The following ERC1 variants were observed in gnomAD, a reference collection of about 807,000 sequenced individuals.
The protein encoded by ERC1 is ELKS/RAB6-interacting/CAST family member 1.
Under a neutral mutation model 132.0 loss-of-function variants are expected in ERC1, and 56 were observed. That is an observed-to-expected ratio of 0.42 (90% CI 0.34 to 0.53). The LOEUF is 0.53. ERC1 is among the 20% of genes least tolerant of loss of function. The probability of loss-of-function intolerance (pLI) is 0.03; values close to 1 mark genes in which losing one functional copy is unlikely to be tolerated. For missense variants in ERC1, 1,202 were observed against 1,349.9 expected (o/e 0.89, Z 1.72); for synonymous variants, 478 against 476.1 (o/e 1.00, Z -0.05).
chr12:1,455,208 C>T (rs2093504579), intron 18 of ERC1, among the ~76,000 whole-genome samples: 1 of 152,084 alleles, frequency 6.6e-6, no homozygotes, highest in African/African-American at 2.4e-5. Context: ...AAATACTTTC[C>T]TTTCTTAATG....
chr12:1,175,432 T>TC (rs1341754722), intron 8 of ERC1, among the ~76,000 whole-genome samples: 1 of 150,682 alleles, frequency 6.6e-6, no homozygotes, highest in East Asian at 1.9e-4. Flanking sequence ...TCAGCAATGT[T>TC]CACATCATCT....
At chr12:1,338,221 T>C (rs12308456) in intron 15 of ERC1, among the ~76,000 whole-genome samples, 6 of 152,222 alleles carry the variant, frequency 3.9e-5, no homozygotes, top group African/African-American at 1.4e-4. Flanking sequence ...CTTGGAGGTT[T>C]TGTTTATTCC....
chr12:1,135,086 G>T (rs1414044615), intron 7 of ERC1, among the ~76,000 whole-genome samples: 1 of 152,110 alleles, frequency 6.6e-6, no homozygotes, highest in African/African-American at 2.4e-5. Flanking sequence ...TCTGAGAATG[G>T]TAATGGAAGG....
rs572458157 is a variant in ERC1, at chr12:1,162,294, T to G, written c.1738-18246T>G. Among the ~76,000 whole-genome samples, 30 of 152,308 alleles carry G rather than the reference T, an allele frequency of 2.0e-4. No individual in the cohort carries two copies. The South Asian group carries it at 4.8e-3, about 24-fold the overall frequency. ...TATAATAAATCACTGACCTGGAAAA[T>G]GTAATTGAGCATTTGAATCTGAGCT... On this transcript the variant is annotated intron_variant, in intron 8 of 18. Transcript: ENST00000360905.
At chr12:1,039,858 A>G (rs1262276621) in intron 2 of ERC1, among the ~76,000 whole-genome samples, 1 of 152,154 alleles carries the variant, frequency 6.6e-6, no homozygotes, top group Non-Finnish European at 1.5e-5. Flanking sequence ...TATGGGAGTA[A>G]GAAGTGGAGA....
intron 16 of ERC1, among the ~76,000 whole-genome samples, chr12:1,404,330 C>T (rs376680551): frequency 6.6e-5 from 10 of 151,558 alleles, no homozygotes; most frequent in African/African-American, 2.4e-4. Flanking sequence ...TTTATTTACT[C>T]ATCCATTTAC....
At chr12:1,463,201 G>T (rs756319559) in intron 18 of ERC1, among the ~76,000 whole-genome samples, 5 of 152,122 alleles carry the variant, frequency 3.3e-5, no homozygotes, top group Non-Finnish European at 2.9e-5. Context: ...CAAGGTGGTG[G>T]ATTAGGGGGT....
chr12:1,461,478 G>A (rs967278808), intron 18 of ERC1, among the ~76,000 whole-genome samples: 3 of 152,172 alleles, frequency 2.0e-5, no homozygotes, highest in Admixed American at 2.0e-4. Context: ...GACCAGCCTG[G>A]CCAATGTGGG....
intron 2 of ERC1, among the ~76,000 whole-genome samples, chr12:1,042,892 T>G (rs986836679): frequency 2.6e-5 from 4 of 152,158 alleles, no homozygotes; most frequent in Non-Finnish European, 5.9e-5. Flanking sequence ...TTAAAGTAGG[T>G]ACTACATTCT....
rs199989730 is a variant in ERC1, at chr12:1,027,884, C to A, written c.-20C>A. On this transcript the variant is annotated 5_prime_UTR_variant, in exon 2 of 19. Coordinates refer to ENST00000360905, the MANE Select transcript of ERC1 (RefSeq NM_178040.4). ...TGTTGTTGTTGATTTTCTGCTCACACCTTTCCTGACCTTGCAACCATGTAT... is the reference window on the plus strand; with the variant it reads ...TGTTGTTGTTGATTTTCTGCTCACAACTTTCCTGACCTTGCAACCATGTAT... The A allele has an allele frequency of 8.9e-6, 14 of 1,572,814 alleles. 1 individual carries two copies. In the Admixed American group the frequency reaches 1.3e-4, roughly 14 times the overall value.
chr12:1,453,831 A>C (rs2093474084), intron 18 of ERC1, among the ~76,000 whole-genome samples: 2 of 152,172 alleles, frequency 1.3e-5, no homozygotes, highest in Non-Finnish European at 2.9e-5. Flanking sequence ...ATCCTTTTTA[A>C]TGCTAAATAT....
intron 1 of ERC1, among the ~76,000 whole-genome samples, chr12:1,003,048 C>G (rs1028472448): frequency 7.9e-6 from 1 of 126,608 alleles, no homozygotes; most frequent in Non-Finnish European, 1.5e-5. Context: ...TCCAGGAGTT[C>G]GAGACCAGCC....
At chr12:1,386,614 C>T (rs1342211364) in intron 16 of ERC1, 1 of 128,758 alleles carries the variant, frequency 7.8e-6, no homozygotes, top group Non-Finnish European at 1.5e-5. Flanking sequence ...CACCACTGCA[C>T]TCCATCCAGC....
chr12:1,312,717 C>T (rs980237074), intron 15 of ERC1, among the ~76,000 whole-genome samples: 4 of 152,144 alleles, frequency 2.6e-5, no homozygotes, highest in Admixed American at 2.6e-4. Flanking sequence ...ATTCTTACCT[C>T]ACTTCCAAGA....
intron 15 of ERC1, among the ~76,000 whole-genome samples, chr12:1,320,286 A>G (rs922705546): frequency 1.3e-5 from 2 of 152,130 alleles, no homozygotes; most frequent in Admixed American, 6.5e-5. Flanking sequence ...TTGCTCAAGC[A>G]CTCTTATAAA....
At chr12:1,449,709 TAGAG>T (rs533653897) in intron 18 of ERC1, among the ~76,000 whole-genome samples, 23 of 152,342 alleles carry the variant, frequency 1.5e-4, no homozygotes, top group African/African-American at 5.1e-4. Flanking sequence ...GGGTTTCTTG[TAGAG>T]AACATATATC....
At chr12:1,200,008 A>G (rs968000987) in intron 12 of ERC1, among the ~76,000 whole-genome samples, 3 of 151,758 alleles carry the variant, frequency 2.0e-5, no homozygotes. Flanking sequence ...GCACATGTGT[A>G]TGTGTAAGAG....
chr12:1,373,865 C>A (rs4359265), intron 16 of ERC1, among the ~76,000 whole-genome samples: 9,565 of 152,282 alleles, frequency 0.063, 372 homozygotes, highest in East Asian at 0.12. Flanking sequence ...CTAAACAATT[C>A]TCAGTGTCTT....
Position 1,122,579 on chromosome 12 carries a change from C to A in ERC1, c.1569+6546C>A, listed in dbSNP as rs1237923450. ...TCTCTATCTCTATCTGTGTCTCTATCTCTATCTCTATCTCTATCTGTGTCT... is the reference window on the plus strand; with the variant it reads ...TCTCTATCTCTATCTGTGTCTCTATATCTATCTCTATCTCTATCTGTGTCT... On this transcript the variant is annotated intron_variant, in intron 7 of 18. Transcript: ENST00000360905. 4.6e-4 allele frequency among the ~76,000 whole-genome samples: 31 copies of A among 66,762 alleles called. 1 individual carries two copies. Among genetic ancestry groups the A allele is most frequent in the South Asian group, 1.0e-3 (3 of 3,014 alleles). 43.8% of individuals were successfully genotyped at this position (66,762 alleles called of 152,430 possible).
Sources: gnomAD v4.1 joint callset for allele counts (sites outside exome capture counted in the v4.1 genomes callset) on GRCh38, gnomAD v4.1.1 for gene constraint, MANE v1.5 for transcripts, NCBI Gene and HGNC (gene_info 2026-07-23, HGNC 2026-07-21) for gene names.